The following LRRC19 variants were observed in gnomAD, a reference collection of about 807,000 sequenced individuals.
LRRC19 encodes leucine rich repeat containing 19.
In LRRC19, 33 loss-of-function variants were observed where a neutral mutation model predicts 33.3. The observed-to-expected ratio is 0.99, with a 90% CI of 0.75 to 1.33. The LOEUF (loss-of-function observed/expected upper bound fraction) is 1.33. Among genes scored for constraint, LRRC19 ranks in the 40% most tolerant of loss-of-function variants. The pLI is 0.00. For synonymous variants in LRRC19, 184 were observed against 152.3 expected (o/e 1.21, Z -1.53); for missense variants, 463 against 417.3 (o/e 1.11, Z -0.95).
At position 26,995,411 on chromosome 9, in the gene LRRC19, A is replaced by C; in HGVS notation, c.*110T>G. ...TTTTATGATATTCATGTATGTTGTC[A>C]TTAATATGAATGCCTGCCAGCTGTA... On this transcript the variant is annotated 3_prime_UTR_variant, in exon 5 of 5. Coordinates refer to ENST00000380055, the MANE Select transcript of LRRC19 (RefSeq NM_022901.3). 2 of 650,576 alleles carry C rather than the reference A, an allele frequency of 3.1e-6. No homozygotes were observed. The highest frequency in any genetic ancestry group is 2.6e-6 in the Non-Finnish European group (1 of 379,004). The allele number at this position is 650,576 out of a possible 1,614,324, so 40.3% of individuals were successfully genotyped here. A position where few individuals can be genotyped will look rare whatever the true frequency, so the allele number is the denominator to read the frequency against.
intron 3 of LRRC19, among the ~76,000 whole-genome samples, chr9:26,997,312 C>G (rs1294744613): frequency 6.7e-6 from 1 of 148,398 alleles, no homozygotes. Flanking sequence ...TTTGCTTAAA[C>G]AGAAATTGTT....
chr9:26,995,663 G>A lies in LRRC19; in HGVS notation c.971C>T (p.Pro324Leu), dbSNP rs1441515132. The A allele has an allele frequency of 2.5e-6, 4 of 1,613,832 alleles. No homozygotes were observed. Among genetic ancestry groups the A allele is most frequent in the Non-Finnish European group, 3.4e-6 (4 of 1,179,860 alleles). The change falls in exon 5 of 5, where the codon CCA (proline) becomes CTA (leucine). Residue 324 changes from proline (P) to leucine (L), a missense_variant. Pro to Leu is a moderately conservative substitution (Grantham distance 98). Coordinates refer to ENST00000380055, the MANE Select transcript of LRRC19 (RefSeq NM_022901.3). Reference sequence around the variant, plus strand: ...TTCTGGTATCTGTGAAAGAGAGCTTGGATTTCCAGTAAAACCATCTTCATA... The same window carrying A: ...TTCTGGTATCTGTGAAAGAGAGCTTAGATTTCCAGTAAAACCATCTTCATA... ...ETYEDGFTGNPSSLSQIPETN... is the reference protein window; with the variant it reads ...ETYEDGFTGNLSSLSQIPETN...
In LRRC19 at chr9:26,995,081, A is replaced by G. The variant is rs1828071584; in HGVS notation, c.*440T>C. 1 of 152,564 alleles carries G rather than the reference A, an allele frequency of 6.6e-6. No individual in the cohort carries two copies. The highest frequency in any genetic ancestry group is 2.1e-4 in the South Asian group (1 of 4,850). 9.5% of individuals were successfully genotyped at this position (152,564 alleles called of 1,614,324 possible). On this transcript the variant is annotated 3_prime_UTR_variant, in exon 5 of 5. Coordinates refer to ENST00000380055, the MANE Select transcript of LRRC19 (RefSeq NM_022901.3). ...GGGAGCATAAAATCAATCTTAGTGTATTATTTAAGCTATCTCTGTTCCTCA... is the reference window on the plus strand; with the variant it reads ...GGGAGCATAAAATCAATCTTAGTGTGTTATTTAAGCTATCTCTGTTCCTCA...
Position 26,998,214 on chromosome 9 carries a change from T to A in LRRC19, c.109A>T (p.Asn37Tyr). ...REVQCNFTEK[N>Y]YTLIPADIKK... is the part of the protein sequence containing the mutation. The stretch of plus-strand genomic sequence containing the variant: ...ATATCTGCTGGAATCAAGGTATAAT[T>A]TTTTTCAGTAAAATTACATTGGACT... The change falls in exon 3 of 5, where the codon AAT (asparagine) becomes TAT (tyrosine). Residue 37 changes from asparagine to tyrosine, a missense_variant. Asn to Tyr is a moderately radical substitution (Grantham distance 143). Transcript: ENST00000380055. 6.7e-7 allele frequency: 1 copy of A among 1,496,672 alleles called. No homozygotes were observed. Among genetic ancestry groups the A allele is most frequent in the Non-Finnish European group, 9.0e-7 (1 of 1,115,132 alleles). The allele number at this position is 1,496,672 out of a possible 1,614,324, so 92.7% of individuals were successfully genotyped here. A position where few individuals can be genotyped will look rare whatever the true frequency, so the allele number is the denominator to read the frequency against.
chr9:27,001,926 C>T (rs570578515), intron 1 of LRRC19, among the ~76,000 whole-genome samples: 53 of 149,082 alleles, frequency 3.6e-4, no homozygotes, highest in African/African-American at 1.2e-3. Context: ...AATTCTCCAA[C>T]GTTTTCTTTT....
intron 1 of LRRC19, among the ~76,000 whole-genome samples, chr9:27,002,045 G>A (rs62542668): frequency 6.6e-6 from 1 of 152,096 alleles, no homozygotes; most frequent in Non-Finnish European, 1.5e-5. Flanking sequence ...AATCATGGTG[G>A]AAGGTGAAGG....
In LRRC19 at chr9:26,997,908, C is replaced by T; in HGVS notation, c.415G>A (p.Asp139Asn). The T allele has an allele frequency of 1.2e-6, 2 of 1,614,110 alleles. No individual in the cohort carries two copies. Among genetic ancestry groups the T allele is most frequent in the Non-Finnish European group, 1.7e-6 (2 of 1,179,992 alleles). Residue 139 changes from aspartate (D) to asparagine (N), a missense_variant, in exon 3 of 5, where the codon GAT (aspartate) becomes AAT (asparagine). Asp to Asn is a conservative substitution (Grantham distance 23). Transcript: ENST00000380055. The part of the protein sequence containing the change: ...CQNKIEQLNA[D>N]VFVPLRSLKL... ...AGGCTTCTTAGAGGCACAAATACAT[C>T]AGCATTCAGTTGTTCTATTTTGTTT...
intron 1 of LRRC19, among the ~76,000 whole-genome samples, chr9:27,000,633 A>T (rs369877953): frequency 6.6e-6 from 1 of 152,224 alleles, no homozygotes; most frequent in African/African-American, 2.4e-5. Context: ...TCTTTTCTTT[A>T]TAATGGAAAC....
At position 26,994,741 on chromosome 9, in the gene LRRC19, A is replaced by T. The variant is rs993169550; in HGVS notation, c.*780T>A. 6.6e-6 allele frequency: 1 copy of T among 152,604 alleles called. No individual in the cohort carries two copies. Among genetic ancestry groups the T allele is most frequent in the Non-Finnish European group, 1.5e-5 (1 of 68,024 alleles). 9.5% of individuals were successfully genotyped at this position (152,604 alleles called of 1,614,324 possible). ...ATAGAAATAGCTGTCCATGGACCAC[A>T]TGAAGATTCCTTAGTGTCAGCACAG... is the stretch of plus-strand genomic sequence containing the variant. On this transcript the variant is annotated 3_prime_UTR_variant, in exon 5 of 5. Coordinates refer to ENST00000380055, the MANE Select transcript of LRRC19 (RefSeq NM_022901.3).
In LRRC19 at chr9:26,995,231, A is replaced by G. The variant is rs948864030; in HGVS notation, c.*290T>C. On this transcript the variant is annotated 3_prime_UTR_variant, in exon 5 of 5. Transcript: ENST00000380055. ...TATGAGAATCCATTCATTTTAATTC[A>G]TGAATAATTTAGACCTTTTTACTAG... The G allele has an allele frequency of 9.7e-6, 2 of 205,800 alleles. No individual in the cohort carries two copies. The highest frequency in any genetic ancestry group is 2.3e-5 in the African/African-American group (1 of 43,662). The allele number at this position is 205,800 out of a possible 1,614,324, so 12.7% of individuals were successfully genotyped here. A position where few individuals can be genotyped will look rare whatever the true frequency, so the allele number is the denominator to read the frequency against.
Position 26,993,298 on chromosome 9 carries a change from T to G in LRRC19, c.*2223A>C, listed in dbSNP as rs1333728673. On this transcript the variant is annotated 3_prime_UTR_variant, in exon 5 of 5. Transcript: ENST00000380055. ...TTGCATCTTATAATTAGGAAATAAT[T>G]TAGCAGAATGATACATTGTTTAGAA... 6.6e-6 allele frequency: 1 copy of G among 152,168 alleles called. No individual in the cohort carries two copies. The highest frequency in any genetic ancestry group is 2.4e-5 in the African/African-American group (1 of 41,470). The allele number at this position is 152,168 out of a possible 1,614,324, so 9.4% of individuals were successfully genotyped here.
In LRRC19 at chr9:26,993,710, A is replaced by C. The variant is rs937398102; in HGVS notation, c.*1811T>G. On this transcript the variant is annotated 3_prime_UTR_variant, in exon 5 of 5. Coordinates refer to ENST00000380055, the MANE Select transcript of LRRC19 (RefSeq NM_022901.3). ...AACATACACAGAAATAGCATACTAT[A>C]CCATACACAACATACACAGAAGTAG... 6.6e-6 allele frequency: 1 copy of C among 152,160 alleles called. No homozygotes were observed. Among genetic ancestry groups the C allele is most frequent in the South Asian group, 2.1e-4 (1 of 4,824 alleles). 9.4% of individuals were successfully genotyped at this position (152,160 alleles called of 1,614,324 possible). A position where few individuals can be genotyped will look rare whatever the true frequency, so the allele number is the denominator to read the frequency against.
intron 1 of LRRC19, 30 bp from the exon 2 acceptor site, chr9:26,999,733 G>C: frequency 7.4e-7 from 1 of 1,354,554 alleles, no homozygotes; most frequent in South Asian, 1.3e-5. Flanking sequence ...TTTCATTAAG[G>C]ACATTTTTAT....
At position 26,996,475 on chromosome 9, in the gene LRRC19, C is replaced by A; in HGVS notation, c.620G>T (p.Ser207Ile). ...GTAGCTCTGCAGGCTGTTGGGGTAGCTACACATGGTGATGTTCTCATTTTC... is the reference window on the plus strand; with the variant it reads ...GTAGCTCTGCAGGCTGTTGGGGTAGATACACATGGTGATGTTCTCATTTTC... ...TLENENITMC[S>I]YPNSLQSYNI... The change falls in exon 4 of 5, where the codon AGC (serine) becomes ATC (isoleucine). Residue 207 changes from serine (S) to isoleucine (I), a missense_variant. Coordinates refer to ENST00000380055, the MANE Select transcript of LRRC19 (RefSeq NM_022901.3). 1.2e-5 allele frequency: 18 copies of A among 1,506,018 alleles called. No individual in the cohort carries two copies. The highest frequency in any genetic ancestry group is 1.5e-5 in the Non-Finnish European group (17 of 1,116,864). 93.3% of individuals were successfully genotyped at this position (1,506,018 alleles called of 1,614,324 possible).
intron 3 of LRRC19, 52 bp downstream of exon 3, chr9:26,997,676 G>A (rs1224394809): frequency 2.6e-6 from 4 of 1,519,130 alleles, no homozygotes; most frequent in Non-Finnish European, 3.5e-6. Flanking sequence ...TTTTTCTGTG[G>A]TGGAACATTG....
chr9:27,004,994 T>C (rs1828695573), intron 1 of LRRC19, among the ~76,000 whole-genome samples: 1 of 152,172 alleles, frequency 6.6e-6, no homozygotes, highest in Non-Finnish European at 1.5e-5. Context: ...ATGCTGTAAT[T>C]ATTTTGGTTT....
In LRRC19 at chr9:26,994,765, A is replaced by G. The variant is rs146550893; in HGVS notation, c.*756T>C. ...CATGAAGATTCCTTAGTGTCAGCAC[A>G]GACCAATTTGAATAAAAATCTCCCA... On this transcript the variant is annotated 3_prime_UTR_variant, in exon 5 of 5. Coordinates refer to ENST00000380055, the MANE Select transcript of LRRC19 (RefSeq NM_022901.3). 21 of 152,772 alleles carry G rather than the reference A, an allele frequency of 1.4e-4. No individual in the cohort carries two copies. The highest frequency in any genetic ancestry group is 5.1e-4 in the African/African-American group (21 of 41,572). The allele number at this position is 152,772 out of a possible 1,614,324, so 9.5% of individuals were successfully genotyped here. A position where few individuals can be genotyped will look rare whatever the true frequency, so the allele number is the denominator to read the frequency against.
intron 4 of LRRC19, 121 bp downstream of exon 4, chr9:26,996,190 T>G: frequency 1.5e-6 from 1 of 657,564 alleles, no homozygotes; most frequent in Non-Finnish European, 2.3e-6. Flanking sequence ...TTGTAAATCT[T>G]TAGTTGAGAT....
chr9:27,004,394 G>A (rs1828667811), intron 1 of LRRC19, among the ~76,000 whole-genome samples: 1 of 152,196 alleles, frequency 6.6e-6, no homozygotes, highest in Non-Finnish European at 1.5e-5. Context: ...TAGGTCTGAA[G>A]CTGTGAAATA....
Sources: allele counts gnomAD v4.1 joint callset (sites outside exome capture counted in the v4.1 genomes callset), GRCh38; gene constraint gnomAD v4.1.1; transcripts MANE v1.5; gene names NCBI Gene and HGNC (gene_info 2026-07-23, HGNC 2026-07-21).